The following MAL2 variants were observed in gnomAD, a reference collection of about 807,000 sequenced individuals.
The protein encoded by MAL2 is protein MAL2.
A neutral mutation model predicts 18.1 loss-of-function variants in MAL2; 17 were observed. That is an observed-to-expected ratio of 0.94 (90% CI 0.64 to 1.41). The LOEUF is 1.41. Ranked by LOEUF, MAL2 falls within the 40% of genes most tolerant of loss-of-function variation. The probability of loss-of-function intolerance (pLI) is 0.00; values close to 1 mark genes in which losing one functional copy is unlikely to be tolerated. For synonymous variants in MAL2, 102 were observed against 102.3 expected (o/e 1.00, Z 0.02); for missense variants, 222 against 231.9 (o/e 0.96, Z 0.28).
chr8:119,208,599 G>T lies in MAL2; in HGVS notation c.127G>T (p.Glu43Ter). The T allele has an allele frequency of 7.4e-7, 1 of 1,350,918 alleles. No individual in the cohort carries two copies. The highest frequency in any genetic ancestry group is 1.9e-5 in the South Asian group (1 of 51,978). The allele number at this position is 1,350,918 out of a possible 1,614,324, so 83.7% of individuals were successfully genotyped here. ...RTYSGAFVCL[E>*]ILFGGLVWIL... Reference sequence around the variant, plus strand: ...CTACTCGGGCGCCTTCGTCTGCCTGGAGATTGTAAGTGGGGCCGCCGGAGC... The same window carrying T: ...CTACTCGGGCGCCTTCGTCTGCCTGTAGATTGTAAGTGGGGCCGCCGGAGC... The change falls in exon 1 of 4, where the codon GAG becomes TAG. Residue 43 changes from glutamate (E) to a stop codon, truncating the protein, a stop_gained. Coordinates refer to ENST00000614891, the MANE Select transcript of MAL2 (RefSeq NM_052886.3). LOFTEE classifies it high-confidence loss of function. This position sits in a 1 kb window ranked among gnomAD's most constrained non-coding sequence, Gnocchi z 4.3.
At chr8:119,225,700 C>A (rs549918635) in intron 2 of MAL2, among the ~76,000 whole-genome samples, 1 of 152,348 alleles carries the variant, frequency 6.6e-6, no homozygotes, top group South Asian at 2.1e-4. Flanking sequence ...GCCACACTGA[C>A]TTCCACAATG....
chr8:119,227,527 G>T (rs1040498466), intron 2 of MAL2, among the ~76,000 whole-genome samples: 5 of 152,150 alleles, frequency 3.3e-5, no homozygotes, highest in Non-Finnish European at 7.3e-5. Context: ...CATTAGTGGG[G>T]TTGGGGGATA....
At chr8:119,216,794 G>C (rs1261603383) in intron 1 of MAL2, among the ~76,000 whole-genome samples, 6 of 152,070 alleles carry the variant, frequency 3.9e-5, no homozygotes, top group Admixed American at 3.3e-4. Context: ...ACCTTTTCCT[G>C]TTCTCATTCC....
intron 2 of MAL2, among the ~76,000 whole-genome samples, chr8:119,236,565 G>A (rs1054685378): frequency 1.3e-5 from 2 of 151,672 alleles, no homozygotes; most frequent in African/African-American, 4.9e-5. Flanking sequence ...CTCAGCAAAT[G>A]TAAAAGAACA....
intron 2 of MAL2, among the ~76,000 whole-genome samples, chr8:119,237,448 A>G (rs1817932153): frequency 6.6e-6 from 1 of 151,654 alleles, no homozygotes; most frequent in South Asian, 2.1e-4. Flanking sequence ...TGAGGCCAGC[A>G]TCATTCTGAT....
At chr8:119,232,556 G>A (rs552383260) in intron 2 of MAL2, among the ~76,000 whole-genome samples, 22 of 152,164 alleles carry the variant, frequency 1.4e-4, no homozygotes, top group Admixed American at 5.9e-4. Flanking sequence ...TAATAAACGA[G>A]TTCTTATACT....
At chr8:119,221,532 T>C in intron 1 of MAL2, 55 bp from the exon 2 acceptor site, 1 of 1,597,572 alleles carries the variant, frequency 6.3e-7, no homozygotes. Flanking sequence ...TGTTTAATTC[T>C]GTTGTGTGAA....
intron 2 of MAL2, among the ~76,000 whole-genome samples, chr8:119,226,569 G>A (rs1244412483): frequency 6.6e-6 from 1 of 151,994 alleles, no homozygotes; most frequent in Non-Finnish European, 1.5e-5. Context: ...CACATAGTGG[G>A]CAGTGCTCTG....
chr8:119,229,182 A>C (rs1287946927), intron 2 of MAL2, among the ~76,000 whole-genome samples: 1 of 152,182 alleles, frequency 6.6e-6, no homozygotes, highest in Non-Finnish European at 1.5e-5. Flanking sequence ...AAAGATCTCC[A>C]CATAGTATGC....
At chr8:119,222,403 G>A (rs1333465218) in intron 2 of MAL2, among the ~76,000 whole-genome samples, 1 of 151,646 alleles carries the variant, frequency 6.6e-6, no homozygotes, top group East Asian at 1.9e-4. Context: ...GATGGGGTGT[G>A]CCTGTAGTCC....
In MAL2 at chr8:119,240,287, T is replaced by G. The variant is rs1158954003; in HGVS notation, c.426T>G (p.Ser142Arg). The G allele has an allele frequency of 1.9e-6, 3 of 1,613,590 alleles. No homozygotes were observed. The African/African-American group carries it at 4.0e-5, about 22-fold the overall frequency. The change falls in exon 3 of 4, where the codon AGT (serine) becomes AGG (arginine). Residue 142 changes from serine to arginine, a missense_variant. Ser to Arg is a moderately radical substitution (Grantham distance 110). Transcript: ENST00000614891. ...CCATAACCGGGCAGCCACTCCTGAG[T>G]GATAACCAGTATAACATAAACGTAG... ...NTTITGQPLL[S>R]DNQYNINVAA...
At chr8:119,225,974 T>C (rs578009426) in intron 2 of MAL2, among the ~76,000 whole-genome samples, 2 of 152,294 alleles carry the variant, frequency 1.3e-5, no homozygotes, top group East Asian at 3.9e-4. Context: ...GTTGTTTTTT[T>C]CTTGTGAATT....
At chr8:119,226,294 C>G (rs922164743) in intron 2 of MAL2, among the ~76,000 whole-genome samples, 2 of 151,968 alleles carry the variant, frequency 1.3e-5, no homozygotes, top group Non-Finnish European at 2.9e-5. Context: ...AGTCTTCAAT[C>G]CATCTTGAAT....
At chr8:119,213,806 G>A (rs11989564) in intron 1 of MAL2, among the ~76,000 whole-genome samples, 10,299 of 152,078 alleles carry the variant, frequency 0.068, 439 homozygotes, top group Non-Finnish European at 0.092. Flanking sequence ...AAATAAGAGC[G>A]AAACTACATC....
intron 2 of MAL2, among the ~76,000 whole-genome samples, chr8:119,235,633 G>C (rs1817871355): frequency 6.6e-6 from 1 of 151,786 alleles, no homozygotes; most frequent in South Asian, 2.1e-4. Context: ...AAGAGAGTGG[G>C]GGCCAATATT....
Position 119,243,663 on chromosome 8 carries a change from TATG to T in MAL2, c.*178_*180del, listed in dbSNP as rs1322620286. The stretch of plus-strand genomic sequence containing the variant: ...TTCATGGATGGAATGTTAATTTTAT[TATG>T]ATATTAAAGAAATGGCCTTTTATTT... On this transcript the variant is annotated 3_prime_UTR_variant, in exon 4 of 4. Coordinates refer to ENST00000614891, the MANE Select transcript of MAL2 (RefSeq NM_052886.3). The T allele has an allele frequency of 9.1e-6, 4 of 439,454 alleles. No individual in the cohort carries two copies. The highest frequency in any genetic ancestry group is 1.6e-5 in the Non-Finnish European group (4 of 252,992). The allele number at this position is 439,454 out of a possible 1,614,324, so 27.2% of individuals were successfully genotyped here.
intron 1 of MAL2, among the ~76,000 whole-genome samples, chr8:119,220,178 T>C (rs1167356689): frequency 6.6e-6 from 1 of 152,218 alleles, no homozygotes; most frequent in Non-Finnish European, 1.5e-5. Flanking sequence ...TCTCCTGCGG[T>C]GTTCTCTCAA....
intron 1 of MAL2, among the ~76,000 whole-genome samples, chr8:119,216,017 A>G (rs1817347250): frequency 6.6e-6 from 1 of 152,210 alleles, no homozygotes; most frequent in African/African-American, 2.4e-5. Context: ...TTTCTAGCTG[A>G]TAAATTTCTG....
intron 2 of MAL2, among the ~76,000 whole-genome samples, chr8:119,225,445 G>A (rs1356594562): frequency 1.3e-5 from 2 of 152,160 alleles, no homozygotes; most frequent in Non-Finnish European, 2.9e-5. Flanking sequence ...CCATGCAAAG[G>A]ACATGAACTC....
Sources: allele counts gnomAD v4.1 joint callset (sites outside exome capture counted in the v4.1 genomes callset), GRCh38; gene constraint gnomAD v4.1.1; non-coding constraint Gnocchi (gnomAD v3.1); transcripts MANE v1.5; gene names NCBI Gene and HGNC (gene_info 2026-07-23, HGNC 2026-07-21).